MEGF6: variants seen among roughly 807,000 people sequenced by gnomAD.
MEGF6 encodes the protein multiple EGF like domains 6, also known as multiple epidermal growth factor-like domains protein 6.
Under a neutral mutation model 207.1 loss-of-function variants are expected in MEGF6, and 184 were observed. The observed-to-expected ratio is 0.89, with a 90% CI of 0.79 to 1.00. MEGF6 has a LOEUF of 1.00. Ranked by LOEUF, MEGF6 falls within the 50% of genes least tolerant of loss-of-function variation. The pLI is 0.00. For missense variants in MEGF6, 2,282 were observed against 2,202.9 expected (o/e 1.04, Z -0.72); for synonymous variants, 1,038 against 910.0 (o/e 1.14, Z -2.53).
rs1640272068 is a variant in MEGF6 at position 3,489,644 on chromosome 1, C to T, written c.*884G>A. 3.3e-5 allele frequency among the ~76,000 whole-genome samples: 5 copies of T among 152,162 alleles called. No individual in the cohort carries two copies. The South Asian group carries it at 1.0e-3, about 31-fold the overall frequency. ...AGCCCAAGGGAGTTCGGCCTCAGTC[C>T]AGGTTGCCCCTCCACACCAGCCCTC... On this transcript the variant is annotated 3_prime_UTR_variant, in exon 37 of 37. Transcript: ENST00000356575.
At chr1:3,579,579 G>A (rs11583682) in intron 4 of MEGF6, among the ~76,000 whole-genome samples, 2,429 of 152,348 alleles carry the variant, frequency 0.016, 55 homozygotes, top group African/African-American at 0.054. Context: ...AGTGGGCGCT[G>A]AGATGATATG....
chr1:3,577,350 C>A (rs1643671539), intron 4 of MEGF6, among the ~76,000 whole-genome samples: 1 of 152,230 alleles, frequency 6.6e-6, no homozygotes, highest in Non-Finnish European at 1.5e-5. Context: ...CTCAACAGCT[C>A]CCCCGGGACC....
intron 4 of MEGF6, among the ~76,000 whole-genome samples, chr1:3,541,868 C>T (rs1364004636): frequency 6.6e-6 from 1 of 152,148 alleles, no homozygotes; most frequent in Non-Finnish European, 1.5e-5. Flanking sequence ...ACCCTGAGCT[C>T]ACCCCCTTAC....
rs759724312 is a variant in MEGF6 at position 3,501,326 on chromosome 1, G to A, written c.2315-18C>T. 6.3e-7 allele frequency: 1 copy of A among 1,585,832 alleles called. No individual in the cohort carries two copies. ...GGGACAATCTAGTGCCCACCCCCAT[G>A]GCCAGTCAGTGCCCAAGCTGCCCTT... On this transcript the variant is annotated intron_variant, in intron 18 of 36. Coordinates refer to ENST00000356575, the MANE Select transcript of MEGF6 (RefSeq NM_001409.4).
At chr1:3,624,740 C>G in the MEGF6 span, 1 of 166,754 alleles carries the variant, frequency 6.0e-6, no homozygotes, top group Non-Finnish European at 1.3e-5. Flanking sequence ...CCAGCCGCTC[C>G]GCGACACCCT....
At chr1:3,619,794 T>C in the MEGF6 span, among the ~76,000 whole-genome samples, 3 of 152,202 alleles carry the variant, frequency 2.0e-5, no homozygotes, top group Non-Finnish European at 4.4e-5. Flanking sequence ...GGTAGCAGGA[T>C]AGTGGGCACT....
intron 14 of MEGF6, among the ~76,000 whole-genome samples, chr1:3,507,212 T>C (rs1557730454): frequency 6.6e-6 from 1 of 152,162 alleles, no homozygotes; most frequent in African/African-American, 2.4e-5. Flanking sequence ...TTGGCTGTCT[T>C]CCTCTCACAA....
intron 4 of MEGF6, among the ~76,000 whole-genome samples, chr1:3,577,080 T>C (rs1017243183): frequency 1.3e-5 from 2 of 151,882 alleles, no homozygotes; most frequent in Non-Finnish European, 2.9e-5. Context: ...CCATCCTGAA[T>C]GTCCAGCCCT....
At chr1:3,515,885 C>T (rs1216206206) in intron 5 of MEGF6, among the ~76,000 whole-genome samples, 2 of 152,232 alleles carry the variant, frequency 1.3e-5, no homozygotes, top group Non-Finnish European at 2.9e-5. Flanking sequence ...TGAGAAGCTG[C>T]AAGCGAGGGC....
intron 35 of MEGF6, among the ~76,000 whole-genome samples, chr1:3,491,848 G>A (rs1400497103): frequency 6.6e-6 from 1 of 151,730 alleles, no homozygotes; most frequent in Admixed American, 6.6e-5. Flanking sequence ...ACTGCCTGCA[G>A]GCAGAGAGCA....
In MEGF6 at chr1:3,490,828, C is replaced by A. The variant is rs1027072030; in HGVS notation, c.4564+84G>T. On this transcript the variant is annotated intron_variant, in intron 36 of 36. Transcript: ENST00000356575. ...GGGTGCAGCTGCTGCCCTGTGGGGC[C>A]CAGATTATACTTAAGCACTCTTCGT... 8.0e-6 allele frequency: 12 copies of A among 1,499,158 alleles called. No individual in the cohort carries two copies. The African/African-American group carries it at 1.5e-4, about 19-fold the overall frequency. 92.9% of individuals were successfully genotyped at this position (1,499,158 alleles called of 1,614,324 possible). A position where few individuals can be genotyped will look rare whatever the true frequency, so the allele number is the denominator to read the frequency against.
intron 4 of MEGF6, among the ~76,000 whole-genome samples, chr1:3,534,232 AAGAAT>A (rs749034141): frequency 3.9e-5 from 6 of 152,362 alleles, no homozygotes; most frequent in African/African-American, 1.4e-4. Flanking sequence ...CTTAGCAAGA[AAGAAT>A]AGAAGAGAAC....
At chr1:3,502,228 G>A (rs1197147651) in intron 17 of MEGF6, among the ~76,000 whole-genome samples, 1 of 152,164 alleles carries the variant, frequency 6.6e-6, no homozygotes, top group African/African-American at 2.4e-5. Context: ...TGGGAGGAGA[G>A]GGGAGGGGCA....
intron 24 of MEGF6, 21 bp downstream of exon 24, chr1:3,499,117 G>A (rs1187942657): frequency 3.7e-6 from 6 of 1,600,224 alleles, no homozygotes; most frequent in Non-Finnish European, 5.1e-6. Flanking sequence ...CCCGGTCCCT[G>A]GACTCCTAGA....
chr1:3,518,426 C>G (rs1363101019), intron 5 of MEGF6, among the ~76,000 whole-genome samples: 4 of 152,158 alleles, frequency 2.6e-5, no homozygotes, highest in African/African-American at 4.8e-5. Flanking sequence ...GAGGGTGAAG[C>G]TCTGCAAAGG....
At chr1:3,620,028 G>A in the MEGF6 span, among the ~76,000 whole-genome samples, 1 of 151,728 alleles carries the variant, frequency 6.6e-6, no homozygotes, top group Non-Finnish European at 1.5e-5. Flanking sequence ...CTGGAGCAAA[G>A]CTATATTTTA....
At chr1:3,523,324 G>T (rs1641834565) in intron 5 of MEGF6, among the ~76,000 whole-genome samples, 1 of 152,190 alleles carries the variant, frequency 6.6e-6, no homozygotes, top group African/African-American at 2.4e-5. Flanking sequence ...CGAAGGGTGA[G>T]GGTGGCTGAC....
Position 3,500,678 on chromosome 1 carries a change from G to GGCC in MEGF6, c.2659_2661dup (p.Gly887dup). 1 of 1,573,892 alleles carries GGCC rather than the reference G, an allele frequency of 6.4e-7. No individual in the cohort carries two copies. The highest frequency in any genetic ancestry group is 1.8e-5 in the Admixed American group (1 of 54,438). On this transcript the variant is annotated inframe_insertion, in exon 21 of 37. Coordinates refer to ENST00000356575, the MANE Select transcript of MEGF6 (RefSeq NM_001409.4). ...ACGTAGCCAGCCTCACACAGACACAGGCCGCTGATGGCATCACAGCTCCCG... is the reference window on the plus strand; with the variant it reads ...ACGTAGCCAGCCTCACACAGACACAGGCCGCCGCTGATGGCATCACAGCTCCCG...
intron 4 of MEGF6, among the ~76,000 whole-genome samples, chr1:3,526,259 C>G (rs1056977397): frequency 6.6e-6 from 1 of 152,194 alleles, no homozygotes; most frequent in Non-Finnish European, 1.5e-5. Flanking sequence ...AGAGACCACA[C>G]GGGCCACATG....
Sources: gnomAD v4.1 joint callset for allele counts (sites outside exome capture counted in the v4.1 genomes callset) on GRCh38, gnomAD v4.1.1 for gene constraint, MANE v1.5 for transcripts, NCBI Gene and HGNC (gene_info 2026-07-23, HGNC 2026-07-21) for gene names.